MAST4: variants seen among roughly 807,000 people sequenced by gnomAD.
The protein encoded by MAST4 is microtubule-associated serine/threonine-protein kinase 4.
MAST4 carries 89 observed loss-of-function variants against 162.7 expected under a neutral mutation model. The ratio of observed to expected loss-of-function variants is 0.55; its 90% confidence interval spans 0.46 to 0.65. The LOEUF (loss-of-function observed/expected upper bound fraction) is 0.65, where lower values mean the gene tolerates loss of function less well. Ranked by LOEUF, MAST4 falls within the 30% of genes least tolerant of loss-of-function variation. The pLI is 0.00. For synonymous variants in MAST4, 1,479 were observed against 1,361.1 expected (o/e 1.09, Z -1.91); for missense variants, 3,153 against 3,374.0 (o/e 0.93, Z 1.62).
intron 3 of MAST4, among the ~76,000 whole-genome samples, chr5:66,811,865 A>AT (rs1203525787): frequency 6.6e-6 from 1 of 152,220 alleles, no homozygotes; most frequent in Non-Finnish European, 1.5e-5. Context: ...ATAGTTGCAA[A>AT]TGCAGTAGGG....
At chr5:66,725,299 A>G (rs1017438575) in intron 1 of MAST4, among the ~76,000 whole-genome samples, 4 of 152,180 alleles carry the variant, frequency 2.6e-5, no homozygotes, top group Non-Finnish European at 5.9e-5. Context: ...TTAAACTTAA[A>G]GAACACATGC....
chr5:66,925,947 T>A (rs1234698177), intron 4 of MAST4, among the ~76,000 whole-genome samples: 3 of 152,176 alleles, frequency 2.0e-5, no homozygotes, highest in Admixed American at 2.0e-4. Flanking sequence ...AGTACAATTT[T>A]TTTTTTTTGC....
intron 3 of MAST4, among the ~76,000 whole-genome samples, chr5:66,848,867 A>G (rs1051910490): frequency 3.3e-5 from 5 of 152,206 alleles, no homozygotes; most frequent in African/African-American, 1.2e-4. Context: ...TACACATGGC[A>G]CGAGCAGCTG....
intron 12 of MAST4, among the ~76,000 whole-genome samples, chr5:67,116,670 G>A (rs902984991): frequency 6.6e-6 from 1 of 151,828 alleles, no homozygotes; most frequent in Non-Finnish European, 1.5e-5. Flanking sequence ...ACAAAAATTA[G>A]CTGGGCATGG....
At chr5:66,746,575 C>T (rs569156669) in intron 1 of MAST4, among the ~76,000 whole-genome samples, 254 of 152,304 alleles carry the variant, frequency 1.7e-3, no homozygotes, top group African/African-American at 5.8e-3. Context: ...GGTTTTGTGG[C>T]ATCGTGTGGG....
chr5:66,804,544 T>A (rs1756086326), intron 3 of MAST4, among the ~76,000 whole-genome samples: 1 of 152,242 alleles, frequency 6.6e-6, no homozygotes. Flanking sequence ...GACTTGGAAC[T>A]GCCACAGTGT....
rs1758540530 is a variant in MAST4, at chr5:67,054,327, A to G, written c.675-77A>G. On this transcript the variant is annotated intron_variant, in intron 4 of 28. Coordinates refer to ENST00000403625, the MANE Select transcript of MAST4 (RefSeq NM_001164664.2). Reference sequence around the variant, plus strand: ...GCAGATAGGTTGCTCAACCTGGTCCATGTCTACCGGGAACATGGTTGAACA... The same window carrying G: ...GCAGATAGGTTGCTCAACCTGGTCCGTGTCTACCGGGAACATGGTTGAACA... 4 of 1,235,730 alleles carry G rather than the reference A, an allele frequency of 3.2e-6. No homozygotes were observed. The South Asian group carries it at 5.8e-5, about 18-fold the overall frequency. The allele number at this position is 1,235,730 out of a possible 1,614,324, so 76.5% of individuals were successfully genotyped here.
intron 6 of MAST4, among the ~76,000 whole-genome samples, chr5:67,093,951 G>T (rs575618363): frequency 3.3e-5 from 5 of 152,066 alleles, no homozygotes; most frequent in Admixed American, 3.3e-4. Flanking sequence ...ATATCAACCA[G>T]TGTCCATTTA....
chr5:66,989,255 C>T lies in MAST4; in HGVS notation c.675-65149C>T, dbSNP rs568992156. On this transcript the variant is annotated intron_variant, in intron 4 of 28. Transcript: ENST00000403625. ...GGATTCACAGAAGCATTTTTCAAACCGCACCTGCCCCTCCTTATACCTCCT... is the reference window on the plus strand; with the variant it reads ...GGATTCACAGAAGCATTTTTCAAACTGCACCTGCCCCTCCTTATACCTCCT... 1.7e-4 allele frequency among the ~76,000 whole-genome samples: 26 copies of T among 152,188 alleles called. No homozygotes were observed. The South Asian group carries it at 5.0e-3, about 29-fold the overall frequency.
intron 3 of MAST4, chr5:66,870,769 C>T: frequency 2.1e-6 from 1 of 471,416 alleles, no homozygotes; most frequent in Non-Finnish European, 4.4e-6. Context: ...ATCTTCCATT[C>T]ACTGTCAGGA....
At chr5:67,154,344 CAT>C (rs773259509) in intron 26 of MAST4, among the ~76,000 whole-genome samples, 86 of 152,308 alleles carry the variant, frequency 5.6e-4, no homozygotes, top group Middle Eastern at 3.4e-3. Context: ...TAGATAGTAT[CAT>C]ATGTCTGTTC....
At chr5:66,897,634 G>C (rs562913421) in intron 3 of MAST4, among the ~76,000 whole-genome samples, 1 of 152,330 alleles carries the variant, frequency 6.6e-6, no homozygotes, top group Admixed American at 6.5e-5. Context: ...CAAGCCATCA[G>C]GTGGATTAGC....
In MAST4 at chr5:66,844,771, G is replaced by A. The variant is rs145141320; in HGVS notation, c.643-55180G>A. Among the ~76,000 whole-genome samples the A allele has an allele frequency of 9.2e-5, 14 of 152,086 alleles. No individual in the cohort carries two copies. The East Asian group carries it at 2.5e-3, about 27-fold the overall frequency. On this transcript the variant is annotated intron_variant, in intron 3 of 28. Coordinates refer to ENST00000403625, the MANE Select transcript of MAST4 (RefSeq NM_001164664.2). ...AGAGTGCTGTAAGAGTACTTAAGAG[G>A]ATGCTCATCCAGCTATGGAGTTATC...
Position 66,874,837 on chromosome 5 carries a change from TA to T in MAST4, c.643-25111del, listed in dbSNP as rs532109022. Among the ~76,000 whole-genome samples the T allele has an allele frequency of 1.1e-3, 166 of 152,344 alleles. 2 individuals are homozygous for T. The highest frequency in any genetic ancestry group is 3.8e-3 in the African/African-American group (159 of 41,588). The stretch of plus-strand genomic sequence containing the variant: ...AGATGGTCTTCTTTTCTCACTACTA[TA>T]AACCTTTTAGGATTGATCCTTTTTT... On this transcript the variant is annotated intron_variant, in intron 3 of 28. Coordinates refer to ENST00000403625, the MANE Select transcript of MAST4 (RefSeq NM_001164664.2).
chr5:66,881,001 C>G (rs1761657231), intron 3 of MAST4, among the ~76,000 whole-genome samples: 1 of 152,146 alleles, frequency 6.6e-6, no homozygotes. Flanking sequence ...AAGAGTAACA[C>G]ATATCCAGAA....
At chr5:66,826,203 T>G (rs1457146626) in intron 3 of MAST4, among the ~76,000 whole-genome samples, 1 of 152,188 alleles carries the variant, frequency 6.6e-6, no homozygotes, top group African/African-American at 2.4e-5. Flanking sequence ...GTATCACTTC[T>G]CAAAATGATA....
intron 4 of MAST4, among the ~76,000 whole-genome samples, chr5:66,951,602 G>A (rs1471185055): frequency 2.0e-4 from 12 of 60,752 alleles, no homozygotes; most frequent in Admixed American, 5.1e-4. Flanking sequence ...CATGATATGT[G>A]TGTGTGTGTG....
intron 4 of MAST4, among the ~76,000 whole-genome samples, chr5:66,950,331 T>C (rs947761638): frequency 6.6e-6 from 1 of 152,116 alleles, no homozygotes; most frequent in Admixed American, 6.6e-5. Flanking sequence ...ATTAAGTACA[T>C]TCACAGAGTT....
At chr5:67,084,653 AAG>A (rs1375384990) in intron 5 of MAST4, among the ~76,000 whole-genome samples, 5 of 152,164 alleles carry the variant, frequency 3.3e-5, no homozygotes, top group African/African-American at 7.2e-5. Context: ...TATTTAGAGA[AAG>A]AGAGAAATGG....
Sources: gnomAD v4.1 joint callset for allele counts (sites outside exome capture counted in the v4.1 genomes callset) on GRCh38, gnomAD v4.1.1 for gene constraint, MANE v1.5 for transcripts, NCBI Gene and HGNC (gene_info 2026-07-23, HGNC 2026-07-21) for gene names.